The following AP1G2 variants were observed in gnomAD, a reference collection of about 807,000 sequenced individuals.
AP1G2 encodes the protein adaptor related protein complex 1 subunit gamma 2.
AP1G2 carries 85 observed loss-of-function variants against 95.8 expected under a neutral mutation model. The ratio of observed to expected loss-of-function variants is 0.89; its 90% CI spans 0.74 to 1.06. The LOEUF (loss-of-function observed/expected upper bound fraction) is 1.06. Ranked by LOEUF, AP1G2 falls within the 50% of genes least tolerant of loss-of-function variation. The probability of loss-of-function intolerance (pLI) is 0.00; values close to 1 mark genes in which losing one functional copy is unlikely to be tolerated. For synonymous variants in AP1G2, 378 were observed against 400.0 expected, an observed-to-expected ratio of 0.94 and a Z score of 0.66; for missense variants, 967 against 1,005.8, an observed-to-expected ratio of 0.96 and a Z score of 0.52.
chr14:23,564,499 G>A, intron 9 of AP1G2, 63 bp downstream of exon 9: 2 of 1,599,860 alleles, frequency 1.3e-6, no homozygotes, highest in Non-Finnish European at 1.7e-6. Flanking sequence ...AAACCAGCAA[G>A]CAGGACCTGT....
Position 23,564,603 on chromosome 14 carries a change from C to T in AP1G2, c.880G>A (p.Val294Ile), listed in dbSNP as rs1429648163. Residue 294 changes from valine (V) to isoleucine (I), a missense_variant, in exon 9 of 22, where the codon GTA becomes ATA. Coordinates refer to ENST00000397120, the MANE Select transcript of AP1G2 (RefSeq NM_003917.5). ...GAGCGGATATCCATGATGGTGAGTA[C>T]TGTCTCAAACAGGACCGCATTTCCG... ...NAGNAVLFET[V>I]LTIMDIRSAA... 1.1e-5 allele frequency: 18 copies of T among 1,613,550 alleles called. No homozygotes were observed. Among genetic ancestry groups the T allele is most frequent in the Non-Finnish European group, 1.5e-5 (18 of 1,180,022 alleles).
chr14:23,562,221 A>G (rs1289863217), intron 16 of AP1G2, 67 bp downstream of exon 16: 59 of 1,605,338 alleles, frequency 3.7e-5, no homozygotes, highest in Non-Finnish European at 4.9e-5. Flanking sequence ...GTATGCCTGG[A>G]AAGAAACTCA....
At position 23,565,427 on chromosome 14, in the gene AP1G2, A is replaced by G. The variant is rs567553340; in HGVS notation, c.741+179T>C. 86 of 721,386 alleles carry G rather than the reference A, an allele frequency of 1.2e-4. 1 individual carries two copies. In the South Asian group the frequency reaches 1.4e-3, roughly 12 times the overall value. 44.7% of individuals were successfully genotyped at this position (721,386 alleles called of 1,614,324 possible). On this transcript the variant is annotated intron_variant, in intron 7 of 21. Coordinates refer to ENST00000397120, the MANE Select transcript of AP1G2 (RefSeq NM_003917.5). Reference sequence around the variant, plus strand: ...ATTGTTAACAAACTGTATTTTCCTGACTTTTAGGCATTCCCTCTCCCCTCA... The same window carrying G: ...ATTGTTAACAAACTGTATTTTCCTGGCTTTTAGGCATTCCCTCTCCCCTCA...
intron 3 of AP1G2, 33 bp from the exon 4 acceptor site, chr14:23,566,452 T>G (rs766383991): frequency 1.9e-6 from 3 of 1,608,784 alleles, no homozygotes; most frequent in Non-Finnish European, 2.6e-6. Context: ...CAGTCAAACC[T>G]CTGAGAAAAT....
chr14:23,565,069 T>C (rs1226291051), intron 8 of AP1G2, 50 bp downstream of exon 8: 1 of 1,584,830 alleles, frequency 6.3e-7, no homozygotes, highest in Non-Finnish European at 8.7e-7. Context: ...CACCCAGGGC[T>C]GATGGGGTCT....
Position 23,567,624 on chromosome 14 carries a change from T to C in AP1G2, c.-6+115A>G. 8.7e-7 allele frequency: 1 copy of C among 1,149,622 alleles called. No individual in the cohort carries two copies. Among genetic ancestry groups the C allele is most frequent in the Non-Finnish European group, 1.1e-6 (1 of 933,722 alleles). The allele number at this position is 1,149,622 out of a possible 1,614,324, so 71.2% of individuals were successfully genotyped here. ...GGTACCCCATCCCTAGCTCAGCCAT[T>C]GCTTTTTTTTCCACGACCCTCCGCT... On this transcript the variant is annotated intron_variant, in intron 1 of 21. Coordinates refer to ENST00000397120, the MANE Select transcript of AP1G2 (RefSeq NM_003917.5). The surrounding 1 kb of genome is among the most constrained non-coding windows in gnomAD (Gnocchi z 5.3).
chr14:23,560,072 G>T, intron 20 of AP1G2, 36 bp from the exon 21 acceptor site: 1 of 1,486,404 alleles, frequency 6.7e-7, no homozygotes, highest in Non-Finnish European at 9.3e-7. Context: ...CAGTATGGCA[G>T]TAGGTAGGGC....
chr14:23,561,534 G>T lies in AP1G2; in HGVS notation c.1835C>A (p.Ala612Asp), dbSNP rs1566623625. ...SKEAAQLSEAAPVPTEPQASQ... is the reference protein window; with the variant it reads ...SKEAAQLSEADPVPTEPQASQ... ...CACCTGGGGCTCTGTGGGCACTGGG[G>T]CTGCTTCTGAAAGCTGGGCTGCTTC... is the stretch of plus-strand genomic sequence containing the variant. Residue 612 changes from alanine to aspartate, a missense_variant, in exon 18 of 22, where the codon GCC becomes GAC. Transcript: ENST00000397120. 1 of 1,614,194 alleles carries T rather than the reference G, an allele frequency of 6.2e-7. No individual in the cohort carries two copies. Among genetic ancestry groups the T allele is most frequent in the Non-Finnish European group, 8.5e-7 (1 of 1,180,038 alleles).
chr14:23,562,666 G>C, intron 14 of AP1G2, 73 bp from the exon 15 acceptor site: 2 of 1,481,918 alleles, frequency 1.3e-6, no homozygotes, highest in Non-Finnish European at 1.8e-6. Context: ...GCATTGGGAG[G>C]CTGAGGCGGG....
intron 11 of AP1G2, 83 bp downstream of exon 11, chr14:23,563,963 G>C: frequency 6.2e-7 from 1 of 1,603,946 alleles, no homozygotes; most frequent in South Asian, 1.1e-5. Flanking sequence ...CCTTACTCCA[G>C]CTGCTCTAAA....
Position 23,561,374 on chromosome 14 carries a change from G to A in AP1G2, c.1915C>T (p.His639Tyr), listed in dbSNP as rs909305964. Residue 639 changes from histidine to tyrosine, a missense_variant, in exon 19 of 22, where the codon CAT (histidine) becomes TAT (tyrosine). His to Tyr is a moderately conservative substitution (Grantham distance 83). Transcript: ENST00000397120. ...LLDGASGDVQ[H>Y]PPHLDPSPGG... ...GGGGAGGGGTCCAGATGGGGAGGAT[G>A]CTGGACATCCCCAGAAGCCCCATCC... 6.2e-7 allele frequency: 1 copy of A among 1,600,874 alleles called. No individual in the cohort carries two copies. The highest frequency in any genetic ancestry group is 8.5e-7 in the Non-Finnish European group (1 of 1,172,316).
At chr14:23,562,178 C>G (rs1462565073) in intron 16 of AP1G2, 110 bp downstream of exon 16, 70 of 1,593,198 alleles carry the variant, frequency 4.4e-5, no homozygotes, top group Non-Finnish European at 5.8e-5. Context: ...AAAACAAGAA[C>G]CTAAGGGCTA....
In AP1G2 at chr14:23,563,649, T is replaced by C. The variant is rs111467384; in HGVS notation, c.1233-11A>G. On this transcript the variant is annotated splice_polypyrimidine_tract_variant and intron_variant, in intron 12 of 21. Transcript: ENST00000397120. ...TTGGTTGGAGCAAACCTAGGGGATA[T>C]ATGGCTCATCAGTCCTGGTACTGAC... 3,446 of 1,614,156 alleles carry C rather than the reference T, an allele frequency of 2.1e-3. 78 individuals carry two copies. The African/African-American group carries it at 0.04, about 19-fold the overall frequency.
intron 19 of AP1G2, 147 bp from the exon 20 acceptor site, chr14:23,560,565 CTTA>C: frequency 1.2e-6 from 1 of 807,564 alleles, no homozygotes; most frequent in Non-Finnish European, 1.8e-6. Context: ...GAGGATGGAG[CTTA>C]CTGTCTAATG....
intron 3 of AP1G2, 52 bp downstream of exon 3, chr14:23,566,510 G>GT (rs1048788987): frequency 5.6e-6 from 9 of 1,609,856 alleles, no homozygotes; most frequent in Non-Finnish European, 7.7e-6. Flanking sequence ...GATTTCCAAG[G>GT]TCCCTACTCT....
chr14:23,566,949 G>A, intron 2 of AP1G2, 162 bp downstream of exon 2: 1 of 923,766 alleles, frequency 1.1e-6, no homozygotes, highest in Non-Finnish European at 1.6e-6. Context: ...GCCAGCTGAT[G>A]ACCAGTAGGG....
chr14:23,561,187 G>C (rs187104333), intron 19 of AP1G2, 109 bp downstream of exon 19: 1 of 1,456,790 alleles, frequency 6.9e-7, no homozygotes, highest in Non-Finnish European at 9.0e-7. Context: ...TGGGATGGGG[G>C]ACACACAGGA....
At position 23,560,352 on chromosome 14, in the gene AP1G2, G is replaced by A. The variant is rs558520348; in HGVS notation, c.2060C>T (p.Pro687Leu). 1 of 1,614,100 alleles carries A rather than the reference G, an allele frequency of 6.2e-7. No individual in the cohort carries two copies. The highest frequency in any genetic ancestry group is 1.3e-5 in the African/African-American group (1 of 75,036). ...TAACAGCAAAGCAGGGTTTTCAGGG[G>A]GTCGAATGAAAGACAGATTCAGCTG... ...GVQLNLSFIR[P>L]PENPALLLIT... The change falls in exon 20 of 22, where the codon CCC becomes CTC. Residue 687 changes from proline to leucine, a missense_variant. Pro to Leu is a moderately conservative substitution (Grantham distance 98). Transcript: ENST00000397120.
At chr14:23,561,732 A>G in intron 17 of AP1G2, 97 bp from the exon 18 acceptor site, 2 of 1,531,684 alleles carry the variant, frequency 1.3e-6, no homozygotes, top group Non-Finnish European at 1.8e-6. Context: ...CCCTGGGCAC[A>G]TGGTGGCTCA....
Sources: gnomAD v4.1 joint callset for allele counts on GRCh38, gnomAD v4.1.1 for gene constraint, Gnocchi (gnomAD v3.1) non-coding constraint, MANE v1.5 for transcripts, NCBI Gene and HGNC (gene_info 2026-07-23, HGNC 2026-07-21) for gene names.